EPRS1: variants seen among roughly 807,000 people sequenced by gnomAD.
The protein encoded by EPRS1 is glutamyl-prolyl-tRNA synthetase 1, also known as bifunctional glutamate/proline--tRNA ligase.
EPRS1 carries 107 observed loss-of-function variants against 188.3 expected under a neutral mutation model. The ratio of observed to expected loss-of-function variants is 0.57; its 90% CI spans 0.49 to 0.67. The LOEUF is 0.67. EPRS1 is among the 30% of genes least tolerant of loss of function. EPRS1 has a pLI of 0.00. For synonymous variants in EPRS1, 596 were observed against 593.1 expected, an observed-to-expected ratio of 1.00 and a Z score of -0.07; for missense variants, 1,577 against 1,802.2, an observed-to-expected ratio of 0.88 and a Z score of 2.26.
intron 20 of EPRS1, among the ~76,000 whole-genome samples, chr1:219,985,746 A>G (rs1239803061): frequency 6.6e-6 from 1 of 152,178 alleles, no homozygotes; most frequent in African/African-American, 2.4e-5. Context: ...GCAGAGATAG[A>G]TGCTTGTAAA....
chr1:220,020,824 TTATATATATATATATATA>T (rs71169429), intron 9 of EPRS1, among the ~76,000 whole-genome samples: 10,124 of 109,116 alleles, frequency 0.093, 694 homozygotes, highest in East Asian at 0.13. Flanking sequence ...CAATTTGAAT[TTATATATATATATATATA>T]TATATATATA....
chr1:220,030,092 T>C (rs1235091938), intron 6 of EPRS1, among the ~76,000 whole-genome samples: 1 of 152,182 alleles, frequency 6.6e-6, no homozygotes, highest in African/African-American at 2.4e-5. Context: ...AAAATAAAAA[T>C]GAAATTTAAG....
intron 12 of EPRS1, among the ~76,000 whole-genome samples, chr1:220,012,312 G>C (rs1661620153): frequency 6.6e-6 from 1 of 152,096 alleles, no homozygotes; most frequent in Non-Finnish European, 1.5e-5. Flanking sequence ...TTTAATTCGT[G>C]ACTGACTACT....
chr1:220,016,266 C>T (rs1661708568), intron 12 of EPRS1, among the ~76,000 whole-genome samples: 1 of 151,540 alleles, frequency 6.6e-6, no homozygotes, highest in African/African-American at 2.4e-5. Flanking sequence ...ATCATTTGAA[C>T]CCGGGAGGTG....
intron 28 of EPRS1, 99 bp downstream of exon 28, chr1:219,978,447 G>T: frequency 1.1e-6 from 1 of 877,296 alleles, no homozygotes; most frequent in Non-Finnish European, 1.7e-6. Context: ...TCAAAATAGA[G>T]GAAAGTAATG....
At chr1:220,022,958 C>T (rs1661906564) in intron 8 of EPRS1, among the ~76,000 whole-genome samples, 1 of 152,144 alleles carries the variant, frequency 6.6e-6, no homozygotes, top group South Asian at 2.1e-4. Flanking sequence ...ATGGTTTGGT[C>T]CGGCCCTAAG....
chr1:219,988,949 T>A (rs1182453128), intron 18 of EPRS1, 126 bp from the exon 19 acceptor site: 3 of 609,612 alleles, frequency 4.9e-6, no homozygotes, highest in Non-Finnish European at 8.5e-6. Context: ...AAACCTATGT[T>A]AAATCATCAG....
intron 3 of EPRS1, among the ~76,000 whole-genome samples, chr1:220,033,969 C>A (rs1376644197): frequency 2.7e-5 from 4 of 150,696 alleles, no homozygotes; most frequent in African/African-American, 4.9e-5. Flanking sequence ...AATAAGCCAA[C>A]CTGAATGAAC....
Position 220,024,286 on chromosome 1 carries a change from T to C in EPRS1, c.921A>G (p.Ile307Met). 6.3e-7 allele frequency: 1 copy of C among 1,596,810 alleles called. No individual in the cohort carries two copies. The highest frequency in any genetic ancestry group is 8.5e-7 in the Non-Finnish European group (1 of 1,175,242). Residue 307 changes from isoleucine to methionine, a missense_variant, in exon 8 of 32, where the codon ATA becomes ATG. By Grantham distance (10) the Ile-to-Met change is conservative (BLOSUM62 1). This residue lies in a region of EPRS1 where 1,278 missense variants were observed against 1,457.4 expected (regional missense o/e 0.88). Coordinates refer to ENST00000366923, the MANE Select transcript of EPRS1 (RefSeq NM_004446.3). ...TACGGTTTTTTCTATGTTTAGAGTC[T>C]ATCCTCTGCTCACGTTCTGCTTTCA... ...EQMKAEREQR[I>M]DSKHRKNPIE...
intron 13 of EPRS1, among the ~76,000 whole-genome samples, chr1:220,010,358 A>C (rs1013232922): frequency 7.9e-5 from 12 of 152,164 alleles, no homozygotes; most frequent in African/African-American, 2.7e-4. Flanking sequence ...TTCTTATTAC[A>C]CACTAATATG....
chr1:220,019,840 T>C, intron 10 of EPRS1, 148 bp downstream of exon 10: 1 of 608,174 alleles, frequency 1.6e-6, no homozygotes. Context: ...CCTAATGCAC[T>C]GGCTGAGAAG....
intron 12 of EPRS1, among the ~76,000 whole-genome samples, chr1:220,013,258 T>C (rs1168704576): frequency 6.6e-6 from 1 of 152,214 alleles, no homozygotes; most frequent in African/African-American, 2.4e-5. Flanking sequence ...AAACTATTTA[T>C]AGATATATTC....
chr1:220,019,307 T>C (rs919639878), intron 10 of EPRS1, among the ~76,000 whole-genome samples: 7 of 151,910 alleles, frequency 4.6e-5, no homozygotes, highest in Non-Finnish European at 7.4e-5. Flanking sequence ...CTGGAAACAG[T>C]AGAAGCACAT....
rs374269440 is a variant in EPRS1, at chr1:220,038,477, C to T, written c.131+1708G>A. Among the ~76,000 whole-genome samples the T allele has an allele frequency of 1.9e-4, 28 of 145,108 alleles. No homozygotes were observed. The East Asian group carries it at 4.0e-3, about 21-fold the overall frequency. On this transcript the variant is annotated intron_variant, in intron 2 of 31. Transcript: ENST00000366923. ...GCGATCCTGGCTCTACTGCAACCTC[C>T]GTCTCGTGGGCTCAGGTGATCATCC...
Position 220,020,146 on chromosome 1 carries a change from T to G in EPRS1, c.1191A>C (p.Thr397=). The G allele has an allele frequency of 6.2e-7, 1 of 1,614,166 alleles. No individual in the cohort carries two copies. Among genetic ancestry groups the G allele is most frequent in the Non-Finnish European group, 8.5e-7 (1 of 1,180,010 alleles). Residue 397 remains threonine (T), a synonymous_variant, in exon 10 of 32, where the codon ACA becomes ACC. Transcript: ENST00000366923. ...ACTGCTCATCTCTGTCATGGTATTC[T>G]GTTGTTCTCAGGGCATGTGTAACAC... ...IEGVTHALRT[T]EYHDRDEQFY...
At chr1:219,973,120 G>A in intron 29 of EPRS1, 118 bp downstream of exon 29, 1 of 774,520 alleles carries the variant, frequency 1.3e-6, no homozygotes, top group Non-Finnish European at 2.1e-6. Context: ...GTAGCATGGG[G>A]GTTCAGAGGG....
At chr1:219,995,739 T>C (rs1661218183) in intron 18 of EPRS1, among the ~76,000 whole-genome samples, 1 of 152,168 alleles carries the variant, frequency 6.6e-6, no homozygotes, top group Admixed American at 6.5e-5. Flanking sequence ...CAGAAAAATA[T>C]TAACTCCTGG....
chr1:220,006,047 ATTTT>A (rs932665114), intron 15 of EPRS1, 55 bp downstream of exon 15: 40 of 988,046 alleles, frequency 4.0e-5, no homozygotes, highest in Non-Finnish European at 5.3e-5. Flanking sequence ...TATAAAATTA[ATTTT>A]TTTAATTCTA....
intron 2 of EPRS1, among the ~76,000 whole-genome samples, chr1:220,039,977 T>G (rs1467373526): frequency 6.6e-6 from 1 of 152,136 alleles, no homozygotes; most frequent in Admixed American, 6.5e-5. Flanking sequence ...CAAAAAACAT[T>G]TTTTAATTAG....
Sources: gnomAD v4.1 joint callset for allele counts (sites outside exome capture counted in the v4.1 genomes callset) on GRCh38, gnomAD v4.1.1 for gene constraint, gnomAD v4.1.1 regional missense constraint, MANE v1.5 for transcripts, NCBI Gene and HGNC (gene_info 2026-07-23, HGNC 2026-07-21) for gene names.